Variants in SPEF2 observed in about 807,000 individuals in gnomAD.
SPEF2 encodes the protein sperm flagellar and cilia associated 2.
In SPEF2, 187 loss-of-function variants were observed where a neutral mutation model predicts 224.6. That is an observed-to-expected ratio of 0.83 (90% confidence interval 0.74 to 0.94). SPEF2 has a LOEUF of 0.94. Ranked by LOEUF, SPEF2 falls within the 40% of genes least tolerant of loss-of-function variation. The pLI, the probability that SPEF2 is intolerant of heterozygous loss-of-function variation, is 0.00. For synonymous variants in SPEF2, 715 were observed against 707.3 expected, an observed-to-expected ratio of 1.01 and a Z score of -0.17; for missense variants, 2,170 against 2,135.6, an observed-to-expected ratio of 1.02 and a Z score of -0.32.
At chr5:35,638,925 G>A (rs914043262) in intron 2 of SPEF2, among the ~76,000 whole-genome samples, 3 of 152,150 alleles carry the variant, frequency 2.0e-5, no homozygotes, top group Admixed American at 6.5e-5. Flanking sequence ...TGACCAGATC[G>A]CAGATGAGTG....
At chr5:35,633,338 T>C (rs534387274) in intron 2 of SPEF2, among the ~76,000 whole-genome samples, 6 of 152,252 alleles carry the variant, frequency 3.9e-5, no homozygotes, top group African/African-American at 1.4e-4. Context: ...TATATGTTTA[T>C]AATTGTTATG....
intron 14 of SPEF2, among the ~76,000 whole-genome samples, chr5:35,696,175 GT>G (rs1755288809): frequency 6.6e-6 from 1 of 151,918 alleles, no homozygotes; most frequent in African/African-American, 2.4e-5. Context: ...TTCAGAATTT[GT>G]TTATTAATTC....
intron 24 of SPEF2, among the ~76,000 whole-genome samples, chr5:35,756,183 T>C (rs1289227679): frequency 6.6e-6 from 1 of 152,184 alleles, no homozygotes; most frequent in Non-Finnish European, 1.5e-5. Context: ...ATCATCCCTC[T>C]GTCCAGTGTA....
chr5:35,746,176 C>A (rs1027921435), intron 23 of SPEF2, among the ~76,000 whole-genome samples: 1 of 152,186 alleles, frequency 6.6e-6, no homozygotes, highest in African/African-American at 2.4e-5. Flanking sequence ...TGAACAAGAG[C>A]TTTCAGCCCT....
rs796687493 is a variant in SPEF2 at position 35,751,045 on chromosome 5, A to G, written c.3331-2579A>G. Among the ~76,000 whole-genome samples, 365 of 63,874 alleles carry G rather than the reference A, an allele frequency of 5.7e-3. 7 individuals are homozygous for G. Among genetic ancestry groups the G allele is most frequent in the South Asian group, 9.8e-3 (16 of 1,628 alleles). The allele number at this position is 63,874 out of a possible 152,430, so 41.9% of individuals were successfully genotyped here. ...TATACGTATATATATACACATATGT[A>G]TATATATATACGTATATATATGTAT... On this transcript the variant is annotated intron_variant, in intron 23 of 36. Transcript: ENST00000356031.
intron 23 of SPEF2, among the ~76,000 whole-genome samples, chr5:35,747,462 A>G (rs1375616413): frequency 6.6e-6 from 1 of 152,214 alleles, no homozygotes; most frequent in Non-Finnish European, 1.5e-5. Context: ...ACACATAAGG[A>G]CTCACATAAA....
chr5:35,628,198 AT>A (rs1160231062), intron 1 of SPEF2, among the ~76,000 whole-genome samples: 7 of 151,914 alleles, frequency 4.6e-5, no homozygotes, highest in Non-Finnish European at 7.4e-5. Context: ...TTAAAAAAAA[AT>A]TTTATCTGTT....
intron 2 of SPEF2, among the ~76,000 whole-genome samples, chr5:35,634,612 A>T (rs559037249): frequency 2.0e-5 from 3 of 151,900 alleles, no homozygotes; most frequent in Non-Finnish European, 4.4e-5. Context: ...TCTCTCTCCC[A>T]TATCATTCTC....
rs2149401980 is a variant in SPEF2, at chr5:35,641,604, T to G, written c.335T>G (p.Leu112Arg). 5 of 1,613,772 alleles carry G rather than the reference T, an allele frequency of 3.1e-6. No homozygotes were observed. The highest frequency in any genetic ancestry group is 4.2e-6 in the Non-Finnish European group (5 of 1,179,782). The change falls in exon 3 of 37, where the codon CTG (leucine) becomes CGG (arginine). Residue 112 changes from leucine to arginine, a missense_variant. Physicochemically the swap from Leu to Arg is moderately radical, Grantham distance 102. Coordinates refer to ENST00000356031, the MANE Select transcript of SPEF2 (RefSeq NM_024867.4). Reference protein sequence around the residue: ...IALQKKKKSGLTGVEMQTMQR... With the variant: ...IALQKKKKSGRTGVEMQTMQR... The stretch of plus-strand genomic sequence containing the variant: ...CTTCAGAAAAAGAAGAAAAGTGGAC[T>G]GACTGGAGTGGAGATGCAAACCATG...
chr5:35,735,410 G>A (rs755643041), intron 21 of SPEF2, among the ~76,000 whole-genome samples: 3 of 152,190 alleles, frequency 2.0e-5, no homozygotes, highest in Admixed American at 6.5e-5. Context: ...TCTCCAAAGA[G>A]AATAGCTAGG....
intron 28 of SPEF2, among the ~76,000 whole-genome samples, chr5:35,775,810 C>A (rs1323463896): frequency 6.6e-6 from 1 of 152,044 alleles, no homozygotes; most frequent in East Asian, 1.9e-4. Flanking sequence ...GAGATAAAAT[C>A]CACCAACCAG....
chr5:35,636,829 A>G (rs570975684), intron 2 of SPEF2, among the ~76,000 whole-genome samples: 3 of 152,090 alleles, frequency 2.0e-5, no homozygotes, highest in Admixed American at 2.0e-4. Flanking sequence ...ACAAAAAATT[A>G]GCTGGGTATG....
intron 11 of SPEF2, among the ~76,000 whole-genome samples, chr5:35,691,478 T>C (rs113698106): frequency 3.3e-4 from 50 of 152,338 alleles, no homozygotes; most frequent in African/African-American, 1.2e-3. Context: ...CACAACATTA[T>C]GCTAAGTGAA....
rs753149096 is a variant in SPEF2, at chr5:35,709,968, C to T, written c.2839+847C>T. 65 of 984,206 alleles carry T rather than the reference C, an allele frequency of 6.6e-5. 1 individual carries two copies. The highest frequency in any genetic ancestry group is 7.5e-5 in the Non-Finnish European group (62 of 828,916). 61.0% of individuals were successfully genotyped at this position (984,206 alleles called of 1,614,324 possible). ...TCTAAACTCTATAGTCTTTCTGCCTCACGGAGATTTGAGATAGGTCTTAAT... is the reference window on the plus strand; with the variant it reads ...TCTAAACTCTATAGTCTTTCTGCCTTACGGAGATTTGAGATAGGTCTTAAT... On this transcript the variant is annotated intron_variant, in intron 19 of 36. Transcript: ENST00000356031.
intron 8 of SPEF2, among the ~76,000 whole-genome samples, chr5:35,665,250 C>T (rs1750310067): frequency 6.6e-6 from 1 of 152,140 alleles, no homozygotes; most frequent in Non-Finnish European, 1.5e-5. Context: ...AGAGTCCAGG[C>T]TCATAACCAC....
At position 35,715,816 on chromosome 5, in the gene SPEF2, C is replaced by CCTTTTTTTTTTTTTTTTTTT. The variant is rs70973054; in HGVS notation, c.2914+2930_2914+2931insCTTTTTTTTTTTTTTTTTTT. Among the ~76,000 whole-genome samples the CCTTTTTTTTTTTTTTTTTTT allele has an allele frequency of 1.7e-5, 2 of 117,936 alleles. 1 individual carries two copies. 77.4% of individuals were successfully genotyped at this position (117,936 alleles called of 152,430 possible). ...TCTGTGAAATAGGGGGATATAATTTCTTTTTTTTTTTTTTTTTGAGACAGA... is the reference window on the plus strand; with the variant it reads ...TCTGTGAAATAGGGGGATATAATTTCCTTTTTTTTTTTTTTTTTTTTTTTTTTTTTTTTTTTTGAGACAGA... On this transcript the variant is annotated intron_variant, in intron 20 of 36. Coordinates refer to ENST00000356031, the MANE Select transcript of SPEF2 (RefSeq NM_024867.4).
intron 33 of SPEF2, among the ~76,000 whole-genome samples, chr5:35,799,171 CA>C (rs1757081837): frequency 6.6e-6 from 1 of 152,302 alleles, no homozygotes; most frequent in South Asian, 2.1e-4. Flanking sequence ...CCAGAATTCA[CA>C]TTTTAAAAAG....
chr5:35,657,275 G>A (rs1033352893), intron 7 of SPEF2, among the ~76,000 whole-genome samples: 1 of 152,206 alleles, frequency 6.6e-6, no homozygotes, highest in African/African-American at 2.4e-5. Flanking sequence ...CTGGTGAAGA[G>A]ACAGCCAGAG....
At chr5:35,671,251 G>T (rs1313338304) in intron 10 of SPEF2, 10 of 981,092 alleles carry the variant, frequency 1.0e-5, no homozygotes, top group South Asian at 4.7e-5. Flanking sequence ...AAAGAAAAGT[G>T]CAAAATAACA....
Sources: gnomAD v4.1 joint callset for allele counts (sites outside exome capture counted in the v4.1 genomes callset) on GRCh38, gnomAD v4.1.1 for gene constraint, MANE v1.5 for transcripts, NCBI Gene and HGNC (gene_info 2026-07-23, HGNC 2026-07-21) for gene names.